Variants in ZNF263 observed in about 807,000 individuals in gnomAD.
The protein encoded by ZNF263 is zinc finger protein 263.
In ZNF263, 49 loss-of-function variants were observed where a neutral mutation model predicts 63.1. The observed-to-expected ratio is 0.78, with a 90% CI of 0.62 to 0.99. The LOEUF (loss-of-function observed/expected upper bound fraction) is 0.99, where lower values mean the gene tolerates loss of function less well. Among genes scored for constraint, ZNF263 ranks in the 50% least tolerant of loss-of-function variants. The probability of loss-of-function intolerance (pLI) is 0.00; values close to 1 mark genes in which losing one functional copy is unlikely to be tolerated. For synonymous variants in ZNF263, 352 were observed against 324.2 expected (o/e 1.09, Z -0.92); for missense variants, 872 against 854.8 (o/e 1.02, Z -0.25).
intron 2 of ZNF263, chr16:3,299,459 T>C: frequency 6.4e-7 from 1 of 1,555,202 alleles, no homozygotes. Context: ...TCTTCCCAAC[T>C]TTTTGCCCAG....
In ZNF263 at chr16:3,290,109, A is replaced by G; in HGVS notation, c.1603A>G (p.Ile535Val). ...KSFSRSSHLV[I>V]HERTHERERL... ...TTTCTCTCGGAGTTCACACCTCGTC[A>G]TTCACGAAAGAACTCATGAGAGAGA... Residue 535 changes from isoleucine (I) to valine (V), a missense_variant, in exon 6 of 6, where the codon ATT becomes GTT. Ile to Val is a conservative substitution (Grantham distance 29). Coordinates refer to ENST00000219069, the MANE Select transcript of ZNF263 (RefSeq NM_005741.5). The G allele has an allele frequency of 1.9e-6, 3 of 1,614,116 alleles. No individual in the cohort carries two copies. Among genetic ancestry groups the G allele is most frequent in the Non-Finnish European group, 1.7e-6 (2 of 1,180,016 alleles).
Position 3,286,117 on chromosome 16 carries a change from T to C in ZNF263, c.737T>C (p.Val246Ala). The change falls in exon 4 of 6, where the codon GTG becomes GCG. Residue 246 changes from valine to alanine, a missense_variant. Physicochemically the swap from Val to Ala is moderately conservative, Grantham distance 64 (BLOSUM62 0). Transcript: ENST00000219069. ...PSKRALSRDT[V>A]QESYENVDSL... ...AAGAGGGCCCTCTCCAGGGACACGG[T>C]GCAGGAGAGTTATGAGAATGTGGAC... 1 of 1,605,874 alleles carries C rather than the reference T, an allele frequency of 6.2e-7. No individual in the cohort carries two copies. The highest frequency in any genetic ancestry group is 1.1e-5 in the South Asian group (1 of 89,836).
chr16:3,298,164 T>C (rs1418163051), intron 1 of ZNF263, among the ~76,000 whole-genome samples: 1 of 152,226 alleles, frequency 6.6e-6, no homozygotes, highest in Non-Finnish European at 1.5e-5. Context: ...CTCTCAGAAA[T>C]AGTGCCGTAT....
At chr16:3,287,752 T>A (rs545301967) in intron 4 of ZNF263, among the ~76,000 whole-genome samples, 53 of 152,092 alleles carry the variant, frequency 3.5e-4, no homozygotes, top group Middle Eastern at 3.4e-3. Flanking sequence ...CTTTTCTGAT[T>A]GTCTATTATG....
intron 5 of ZNF263, 24 bp downstream of exon 5, chr16:3,288,594 T>C: frequency 1.3e-6 from 2 of 1,555,232 alleles, no homozygotes; most frequent in South Asian, 1.1e-5. Flanking sequence ...ACAAGTGGCC[T>C]GCGCAGCAAG....
intron 2 of ZNF263, chr16:3,299,311 T>A: frequency 6.2e-7 from 1 of 1,604,586 alleles, no homozygotes; most frequent in Non-Finnish European, 8.5e-7. Context: ...CCTATCATCA[T>A]CCAACTTAGT....
chr16:3,289,360 A>T (rs927807872), intron 5 of ZNF263, 33 bp from the exon 6 acceptor site: 3 of 1,496,000 alleles, frequency 2.0e-6, no homozygotes, highest in Non-Finnish European at 2.7e-6. Context: ...GCATAGAAAT[A>T]ATGTACGGGT....
At position 3,289,405 on chromosome 16, in the gene ZNF263, T is replaced by G. The variant is rs769553815; in HGVS notation, c.899T>G (p.Phe300Cys). The change falls in exon 6 of 6, where the codon TTT (phenylalanine) becomes TGT (cysteine). Residue 300 changes from phenylalanine to cysteine, a missense_variant. Transcript: ENST00000219069. ...CTCTCTCTACCAGGAGAAGAGAAAT[T>G]TGAGAACCTGGAAGGTGTTCCGTCT... ...PRGPAPGEEKFENLEGVPSVC... is the reference protein window; with the variant it reads ...PRGPAPGEEKCENLEGVPSVC... The G allele has an allele frequency of 6.6e-6, 10 of 1,509,476 alleles. No homozygotes were observed. In the African/African-American group the frequency reaches 1.4e-4, roughly 21 times the overall value. The allele number at this position is 1,509,476 out of a possible 1,614,324, so 93.5% of individuals were successfully genotyped here.
In ZNF263 at chr16:3,285,201, C is replaced by G. The variant is rs945658490; in HGVS notation, c.530C>G (p.Pro177Arg). 3.7e-6 allele frequency: 6 copies of G among 1,613,694 alleles called. No homozygotes were observed. Among genetic ancestry groups the G allele is most frequent in the Non-Finnish European group, 5.1e-6 (6 of 1,179,966 alleles). Residue 177 changes from proline to arginine, a missense_variant, in exon 2 of 6, where the codon CCC (proline) becomes CGC (arginine). Physicochemically the swap from Pro to Arg is moderately radical, Grantham distance 103. Coordinates refer to ENST00000219069, the MANE Select transcript of ZNF263 (RefSeq NM_005741.5). ...CCCAGGCTGCAGGAGCTGCTAGGCC[C>G]CAGCCCCCAAAGGGACCCCCAGGCT... ...PGPRLQELLG[P>R]SPQRDPQAVK...
At position 3,291,284 on chromosome 16, in the gene ZNF263, T is replaced by C. The variant is rs2150774990; in HGVS notation, c.*726T>C. The C allele has an allele frequency of 6.1e-6, 6 of 985,278 alleles. No individual in the cohort carries two copies. Among genetic ancestry groups the C allele is most frequent in the Non-Finnish European group, 7.2e-6 (6 of 829,888 alleles). The allele number at this position is 985,278 out of a possible 1,614,324, so 61.0% of individuals were successfully genotyped here. ...TGGAGAATGAGATTCCCCCCACCTGTGTGAGAAAAATAAACAGCTCTGGAG... is the reference window on the plus strand; with the variant it reads ...TGGAGAATGAGATTCCCCCCACCTGCGTGAGAAAAATAAACAGCTCTGGAG... On this transcript the variant is annotated 3_prime_UTR_variant, in exon 6 of 6. Coordinates refer to ENST00000219069, the MANE Select transcript of ZNF263 (RefSeq NM_005741.5).
chr16:3,296,780 C>A (rs62034710), intron 1 of ZNF263, among the ~76,000 whole-genome samples: 1 of 133,152 alleles, frequency 7.5e-6, no homozygotes, highest in South Asian at 2.1e-4. Context: ...AACAAACCTA[C>A]CTAGGAACAA....
At chr16:3,292,462 A>T (rs1433531944), downstream of ZNF263, among the ~76,000 whole-genome samples, 3 of 152,124 alleles carry the variant, frequency 2.0e-5, no homozygotes, top group Non-Finnish European at 2.9e-5. Context: ...GATTAGAGAG[A>T]TCAGAGTAGG....
At chr16:3,299,211 A>G in intron 2 of ZNF263, 1 of 1,604,938 alleles carries the variant, frequency 6.2e-7, no homozygotes, top group Non-Finnish European at 8.5e-7. Flanking sequence ...TCTGCTTCTC[A>G]GCTTCTCCTC....
At chr16:3,285,028 GTGA>G in intron 1 of ZNF263, 28 bp from the exon 2 acceptor site, 1 of 1,612,212 alleles carries the variant, frequency 6.2e-7, no homozygotes, top group Non-Finnish European at 8.5e-7. Flanking sequence ...GGGCCCTGTT[GTGA>G]TGATGAGTGA....
intron 3 of ZNF263, 45 bp downstream of exon 3, chr16:3,285,799 C>A (rs373201905): frequency 6.4e-5 from 102 of 1,603,148 alleles, no homozygotes; most frequent in African/African-American, 5.5e-4. Context: ...CCCTTCCTCC[C>A]CTGAGTGTTG....
intron 4 of ZNF263, chr16:3,286,462 T>TG (rs1567250420): frequency 4.9e-6 from 1 of 205,080 alleles, no homozygotes; most frequent in Non-Finnish European, 9.6e-6. Context: ...TCCAGGATGC[T>TG]GGGGGGCTCT....
intron 1 of ZNF263, among the ~76,000 whole-genome samples, chr16:3,284,471 A>G (rs1054249534): frequency 2.0e-5 from 3 of 152,186 alleles, no homozygotes; most frequent in African/African-American, 7.2e-5. Context: ...TCAAATCCTC[A>G]ATCTGCTAGT....
intron 1 of ZNF263, chr16:3,298,965 C>G (rs1255924413): frequency 8.2e-7 from 1 of 1,216,412 alleles, no homozygotes; most frequent in Non-Finnish European, 1.1e-6. Context: ...AACACAAAAT[C>G]TAATGATTAG....
intron 5 of ZNF263, 123 bp from the exon 6 acceptor site, chr16:3,289,269 TG>T: frequency 1.0e-6 from 1 of 999,266 alleles, no homozygotes; most frequent in Non-Finnish European, 1.4e-6. Context: ...TAGGAGAGGA[TG>T]GGATTCTGAG....
Sources: gnomAD v4.1 joint callset for allele counts (sites outside exome capture counted in the v4.1 genomes callset) on GRCh38, gnomAD v4.1.1 for gene constraint, MANE v1.5 for transcripts, NCBI Gene and HGNC (gene_info 2026-07-23, HGNC 2026-07-21) for gene names.